The following PIWIL2 variants were observed in gnomAD, a reference collection of about 807,000 sequenced individuals.
The protein encoded by PIWIL2 is piwi-like protein 2.
A neutral mutation model predicts 116.5 loss-of-function variants in PIWIL2; 81 were observed. The ratio of observed to expected loss-of-function variants is 0.70; its 90% CI spans 0.58 to 0.84. The LOEUF is 0.84. Among genes scored for constraint, PIWIL2 ranks in the 40% least tolerant of loss-of-function variants. PIWIL2 has a pLI of 0.00. For synonymous variants in PIWIL2, 489 were observed against 429.5 expected, an observed-to-expected ratio of 1.14 and a Z score of -1.71; for missense variants, 1,272 against 1,212.3, an observed-to-expected ratio of 1.05 and a Z score of -0.73.
chr8:22,308,006 C>T lies in PIWIL2; in HGVS notation c.1619C>T (p.Ala540Val), dbSNP rs557946243. Residue 540 changes from alanine (A) to valine (V), a missense_variant, in exon 14 of 23, where the codon GCA becomes GTA. Coordinates refer to ENST00000356766, the MANE Select transcript of PIWIL2 (RefSeq NM_018068.5). ...TTGGAATGCTTGCTGCAAAGAATTGCAAAGAACGAGGCAGCCACCAATGAA... is the reference window on the plus strand; with the variant it reads ...TTGGAATGCTTGCTGCAAAGAATTGTAAAGAACGAGGCAGCCACCAATGAA... ...SALECLLQRI[A>V]KNEAATNELM... 17 of 1,613,792 alleles carry T rather than the reference C, an allele frequency of 1.1e-5. No homozygotes were observed. The South Asian group carries it at 1.4e-4, about 14-fold the overall frequency.
In PIWIL2 at chr8:22,308,024, C is replaced by G; in HGVS notation, c.1637C>G (p.Thr546Ser). Residue 546 changes from threonine to serine, a missense_variant, in exon 14 of 23, where the codon ACC becomes AGC. Thr to Ser is a moderately conservative substitution (Grantham distance 58). Transcript: ENST00000356766. ...AGAATTGCAAAGAACGAGGCAGCCA[C>G]CAATGAACTGATGCGTTGGGGGCTC... ...LQRIAKNEAA[T>S]NELMRWGLRL... 6.2e-7 allele frequency: 1 copy of G among 1,613,934 alleles called. No individual in the cohort carries two copies. The highest frequency in any genetic ancestry group is 8.5e-7 in the Non-Finnish European group (1 of 1,179,936).
chr8:22,277,085 G>A (rs377460718), intron 1 of PIWIL2, among the ~76,000 whole-genome samples: 1 of 151,124 alleles, frequency 6.6e-6, no homozygotes, highest in South Asian at 2.1e-4. Context: ...GGAGTGCCAC[G>A]ATCTTGACTC....
At chr8:22,353,248 T>G (rs745498159) in intron 21 of PIWIL2, 36 bp downstream of exon 21, 1 of 1,571,616 alleles carries the variant, frequency 6.4e-7, no homozygotes, top group Non-Finnish European at 8.7e-7. Context: ...GGAGGAAGAA[T>G]AAGTTGGAGA....
intron 6 of PIWIL2, among the ~76,000 whole-genome samples, chr8:22,284,877 C>A (rs1830596312): frequency 6.6e-6 from 1 of 152,058 alleles, no homozygotes. Context: ...GAGTCATTAG[C>A]TGGAAGTTCT....
Position 22,319,956 on chromosome 8 carries a change from T to C in PIWIL2, c.2403+1681T>C, listed in dbSNP as rs79852496. 6.2e-3 allele frequency among the ~76,000 whole-genome samples: 951 copies of C among 152,316 alleles called. 7 individuals are homozygous for C. The highest frequency in any genetic ancestry group is 0.022 in the African/African-American group (895 of 41,566). On this transcript the variant is annotated intron_variant, in intron 20 of 22. Coordinates refer to ENST00000356766, the MANE Select transcript of PIWIL2 (RefSeq NM_018068.5). ...GAAAGAACATGTGGCACCAGAGATA[T>C]TGCTGTGGCTATTTTCTTTTTTTGA... is the stretch of plus-strand genomic sequence containing the variant.
At chr8:22,290,209 A>G in intron 9 of PIWIL2, 24 bp from the exon 10 acceptor site, 1 of 1,432,928 alleles carries the variant, frequency 7.0e-7, no homozygotes, top group Non-Finnish European at 9.8e-7. Flanking sequence ...AAAATCCTAC[A>G]GTTGAGACCA....
intron 1 of PIWIL2, among the ~76,000 whole-genome samples, chr8:22,276,440 C>G (rs1223911860): frequency 6.6e-6 from 1 of 152,088 alleles, no homozygotes; most frequent in Non-Finnish European, 1.5e-5. Flanking sequence ...CTCTGCCTCC[C>G]GAGTAGCTGG....
intron 20 of PIWIL2, among the ~76,000 whole-genome samples, chr8:22,334,173 T>A (rs1362079787): frequency 6.6e-6 from 1 of 151,600 alleles, no homozygotes; most frequent in African/African-American, 2.4e-5. Context: ...TGGGGTTTCA[T>A]CATGTTGGCC....
intron 20 of PIWIL2, among the ~76,000 whole-genome samples, chr8:22,333,476 G>A (rs1189724509): frequency 2.6e-5 from 4 of 152,054 alleles, no homozygotes; most frequent in Non-Finnish European, 4.4e-5. Flanking sequence ...GCCAGGCATG[G>A]TGGCACATGC....
At chr8:22,332,166 G>T (rs1024041704) in intron 20 of PIWIL2, among the ~76,000 whole-genome samples, 3 of 152,002 alleles carry the variant, frequency 2.0e-5, no homozygotes, top group Non-Finnish European at 4.4e-5. Context: ...TTAGCCAGGT[G>T]TGGTGCTGCG....
intron 15 of PIWIL2, 27 bp from the exon 16 acceptor site, chr8:22,311,085 A>G: frequency 6.4e-7 from 1 of 1,557,938 alleles, no homozygotes; most frequent in Non-Finnish European, 8.7e-7. Flanking sequence ...ATTGTGAGAA[A>G]TACTAAAAGC....
intron 13 of PIWIL2, among the ~76,000 whole-genome samples, chr8:22,306,869 T>G (rs1831194401): frequency 6.6e-6 from 1 of 152,252 alleles, no homozygotes; most frequent in Admixed American, 6.5e-5. Context: ...GTAGACTTAC[T>G]GACCCTAATG....
intron 19 of PIWIL2, among the ~76,000 whole-genome samples, chr8:22,317,548 T>C (rs1831490056): frequency 6.6e-6 from 1 of 152,234 alleles, no homozygotes; most frequent in Non-Finnish European, 1.5e-5. Flanking sequence ...TGTGTATCAT[T>C]ATTTAACCAA....
intron 20 of PIWIL2, among the ~76,000 whole-genome samples, chr8:22,322,349 C>A (rs924710576): frequency 6.6e-6 from 1 of 151,990 alleles, no homozygotes; most frequent in African/African-American, 2.4e-5. Context: ...CTCCTGGGCT[C>A]AAGGGATCCT....
intron 6 of PIWIL2, among the ~76,000 whole-genome samples, chr8:22,286,114 C>T (rs1319356074): frequency 6.6e-6 from 1 of 152,148 alleles, no homozygotes. Flanking sequence ...AGGAAGGACT[C>T]TTTTGAATGA....
chr8:22,276,807 A>T (rs1193416650), intron 1 of PIWIL2, among the ~76,000 whole-genome samples: 1 of 151,962 alleles, frequency 6.6e-6, no homozygotes, highest in Admixed American at 6.6e-5. Context: ...GGAGGCTGAG[A>T]CAAGAGGACT....
intron 13 of PIWIL2, among the ~76,000 whole-genome samples, chr8:22,306,570 C>T (rs1831185320): frequency 6.6e-6 from 1 of 152,220 alleles, no homozygotes; most frequent in South Asian, 2.1e-4. Context: ...GGCGTGAGTC[C>T]AGACCCCAGA....
At chr8:22,299,065 AATTTT>A (rs1184147808) in intron 10 of PIWIL2, among the ~76,000 whole-genome samples, 2 of 152,018 alleles carry the variant, frequency 1.3e-5, no homozygotes, top group African/African-American at 4.8e-5. Flanking sequence ...AGTTTGTGGG[AATTTT>A]ATTTTATTCT....
intron 10 of PIWIL2, among the ~76,000 whole-genome samples, chr8:22,295,880 T>C (rs541068820): frequency 2.2e-4 from 34 of 152,172 alleles, no homozygotes; most frequent in Non-Finnish European, 4.7e-4. Context: ...CACTTGTAAG[T>C]TCTCAATTGA....
Sources: allele counts gnomAD v4.1 joint callset (sites outside exome capture counted in the v4.1 genomes callset), GRCh38; gene constraint gnomAD v4.1.1; transcripts MANE v1.5; gene names NCBI Gene and HGNC (gene_info 2026-07-23, HGNC 2026-07-21).